The following EIF4E2 variants were observed in gnomAD, a reference collection of about 807,000 sequenced individuals.
EIF4E2 encodes eukaryotic translation initiation factor 4E type 2.
Under a neutral mutation model 34.2 loss-of-function variants are expected in EIF4E2, and 13 were observed. The ratio of observed to expected loss-of-function variants is 0.38; its 90% CI spans 0.25 to 0.60. EIF4E2 has a LOEUF of 0.60. Among genes scored for constraint, EIF4E2 ranks in the 20% least tolerant of loss-of-function variants. The probability of loss-of-function intolerance (pLI) is 0.62; values close to 1 mark genes in which losing one functional copy is unlikely to be tolerated. For missense variants in EIF4E2, 222 were observed against 315.1 expected (o/e 0.70, Z 2.24); for synonymous variants, 100 against 106.6 (o/e 0.94, Z 0.38).
chr2:232,559,157 G>A (rs996958181), intron 3 of EIF4E2, among the ~76,000 whole-genome samples: 3 of 151,220 alleles, frequency 2.0e-5, no homozygotes, highest in Non-Finnish European at 2.9e-5. Flanking sequence ...CACCAGCATG[G>A]CACATGTATA....
intron 1 of EIF4E2, chr2:232,551,022 C>G: frequency 1.8e-5 from 11 of 611,576 alleles, no homozygotes; most frequent in South Asian, 1.7e-4. Context: ...TCGGACGCCC[C>G]GCCCTGGTGG....
At chr2:232,551,716 G>T (rs1262146569) in intron 1 of EIF4E2, among the ~76,000 whole-genome samples, 2 of 152,192 alleles carry the variant, frequency 1.3e-5, no homozygotes, top group African/African-American at 4.8e-5. Context: ...TAACTATTGC[G>T]ATATAAACGT....
At chr2:232,552,304 C>T (rs1692366454) in intron 1 of EIF4E2, among the ~76,000 whole-genome samples, 4 of 152,254 alleles carry the variant, frequency 2.6e-5, no homozygotes, top group South Asian at 2.1e-4. Flanking sequence ...CTCAACCTCC[C>T]GGGCACCAGC....
intron 3 of EIF4E2, chr2:232,558,668 G>A (rs1692609343): frequency 6.6e-6 from 1 of 150,954 alleles, no homozygotes; most frequent in African/African-American, 2.4e-5. Context: ...AGTTCAAAGT[G>A]TCATGGATAC....
chr2:232,582,873 C>G (rs1693392168), exon 7 of EIF4E2: 1 of 152,084 alleles, frequency 6.6e-6, no homozygotes, highest in African/African-American at 2.4e-5. Flanking sequence ...TTTTCCCTTC[C>G]TTTTTGTCGT....
At chr2:232,570,150 G>A (rs894206555), downstream of EIF4E2, among the ~76,000 whole-genome samples, 4 of 152,192 alleles carry the variant, frequency 2.6e-5, no homozygotes, top group Non-Finnish European at 4.4e-5. Context: ...CACTTTGGCA[G>A]TGATACCCTG....
intron 6 of EIF4E2, among the ~76,000 whole-genome samples, chr2:232,576,628 G>T (rs1474380395): frequency 6.6e-6 from 1 of 152,118 alleles, no homozygotes; most frequent in African/African-American, 2.4e-5. Flanking sequence ...TCTGAAAGTA[G>T]GGGGGAAAAA....
chr2:232,560,513 C>T lies in EIF4E2; in HGVS notation c.270+2495C>T, dbSNP rs116143708. Among the ~76,000 whole-genome samples, 390 of 152,302 alleles carry T rather than the reference C, an allele frequency of 2.6e-3. 1 individual carries two copies. Among genetic ancestry groups the T allele is most frequent in the African/African-American group, 9.0e-3 (375 of 41,558 alleles). On this transcript the variant is annotated intron_variant, in intron 3 of 6. Transcript: ENST00000258416. ...ATACTTGGCTGGGCGTGGTGGCTCACGCCTGTAATCCTTGTACTTTGGGAG... is the reference window on the plus strand; with the variant it reads ...ATACTTGGCTGGGCGTGGTGGCTCATGCCTGTAATCCTTGTACTTTGGGAG...
At chr2:232,560,067 A>C (rs1015421685) in intron 3 of EIF4E2, among the ~76,000 whole-genome samples, 1 of 152,182 alleles carries the variant, frequency 6.6e-6, no homozygotes, top group Admixed American at 6.5e-5. Context: ...AAACTCAGGT[A>C]CAGAAGCTTC....
downstream of EIF4E2, among the ~76,000 whole-genome samples, chr2:232,571,939 G>A (rs1449238167): frequency 1.3e-5 from 2 of 152,208 alleles, no homozygotes; most frequent in Non-Finnish European, 1.5e-5. Flanking sequence ...TATGAACCTT[G>A]CAGCCTTTGG....
At chr2:232,578,584 T>C (rs1317539395) in intron 6 of EIF4E2, among the ~76,000 whole-genome samples, 1 of 151,850 alleles carries the variant, frequency 6.6e-6, no homozygotes, top group Non-Finnish European at 1.5e-5. Flanking sequence ...TGAGCTGAGA[T>C]TGTGCCACTG....
Position 232,568,926 on chromosome 2 carries a change from C to G in EIF4E2, c.666-19C>G, listed in dbSNP as rs374357579. 17 of 1,614,038 alleles carry G rather than the reference C, an allele frequency of 1.1e-5. No individual in the cohort carries two copies. Among genetic ancestry groups the G allele is most frequent in the African/African-American group, 5.3e-5 (4 of 74,924 alleles). On this transcript the variant is annotated intron_variant, in intron 6 of 6. Coordinates refer to ENST00000258416, the MANE Select transcript of EIF4E2 (RefSeq NM_004846.4). ...TCTCTTTCCTCTCCCAATGAGCCAA[C>G]CTTTTGCACTTCCACTAGAATGCCA...
intron 1 of EIF4E2, among the ~76,000 whole-genome samples, chr2:232,553,154 G>C (rs1386053577): frequency 6.6e-6 from 1 of 152,022 alleles, no homozygotes; most frequent in East Asian, 1.9e-4. Context: ...TTGCTTTTGT[G>C]GAGAAGGGGT....
At chr2:232,567,246 C>G in intron 6 of EIF4E2, 32 bp downstream of exon 6, 3 of 1,613,042 alleles carry the variant, frequency 1.9e-6, no homozygotes, top group Non-Finnish European at 2.5e-6. Flanking sequence ...GAGGACGTGT[C>G]CCTAAGCTTA....
At chr2:232,573,231 G>C (rs1463385207), downstream of EIF4E2, among the ~76,000 whole-genome samples, 2 of 152,214 alleles carry the variant, frequency 1.3e-5, no homozygotes, top group African/African-American at 2.4e-5. Context: ...AAGAAGCCAT[G>C]AACTGCAGGT....
In EIF4E2 at chr2:232,569,173, A is replaced by G. The variant is rs1393086834; in HGVS notation, c.*156A>G. 4 of 1,450,524 alleles carry G rather than the reference A, an allele frequency of 2.8e-6. No individual in the cohort carries two copies. Among genetic ancestry groups the G allele is most frequent in the Non-Finnish European group, 3.6e-6 (4 of 1,103,780 alleles). The allele number at this position is 1,450,524 out of a possible 1,614,324, so 89.9% of individuals were successfully genotyped here. A position where few individuals can be genotyped will look rare whatever the true frequency, so the allele number is the denominator to read the frequency against. On this transcript the variant is annotated 3_prime_UTR_variant, in exon 7 of 7. Transcript: ENST00000258416. Reference sequence around the variant, plus strand: ...AACAGGCTGACACGCAGCAGCTACAACAACAGCTGAGATCACTTAATAAAT... The same window carrying G: ...AACAGGCTGACACGCAGCAGCTACAGCAACAGCTGAGATCACTTAATAAAT...
At position 232,581,296 on chromosome 2, in the gene EIF4E2, A is replaced by T; in HGVS notation, c.*353A>T. ...CGAAGGGTACCGTGGCCACGTGTACATGCCAGAGCTGTTGATGAGAGTTAC... is the reference window on the plus strand; with the variant it reads ...CGAAGGGTACCGTGGCCACGTGTACTTGCCAGAGCTGTTGATGAGAGTTAC... On this transcript the variant is annotated 3_prime_UTR_variant, in exon 7 of 7. Coordinates refer to the EIF4E2 transcript ENST00000409098. The surrounding 1 kb of genome is among the most constrained non-coding windows in gnomAD (Gnocchi z 5.2). 3 of 400,300 alleles carry T rather than the reference A, an allele frequency of 7.5e-6. No homozygotes were observed. Among genetic ancestry groups the T allele is most frequent in the South Asian group, 6.2e-5 (3 of 48,612 alleles). The allele number at this position is 400,300 out of a possible 1,614,324, so 24.8% of individuals were successfully genotyped here. A position where few individuals can be genotyped will look rare whatever the true frequency, so the allele number is the denominator to read the frequency against.
downstream of EIF4E2, chr2:232,573,783 T>C (rs1389210185): frequency 6.4e-6 from 2 of 310,900 alleles, no homozygotes; most frequent in African/African-American, 4.3e-5. Context: ...AGAAAGTGTA[T>C]ACTTTCCTCC....
chr2:232,550,878 C>A, intron 1 of EIF4E2, 134 bp downstream of exon 1: 1 of 920,764 alleles, frequency 1.1e-6, no homozygotes, highest in Non-Finnish European at 1.6e-6. Context: ...CCGGACCTGG[C>A]CTGGACTGGC....
Sources: gnomAD v4.1 joint callset for allele counts (sites outside exome capture counted in the v4.1 genomes callset) on GRCh38, gnomAD v4.1.1 for gene constraint, Gnocchi (gnomAD v3.1) non-coding constraint, MANE v1.5 for transcripts, NCBI Gene and HGNC (gene_info 2026-07-23, HGNC 2026-07-21) for gene names.